SPG7: variants seen among roughly 807,000 people sequenced by gnomAD.
The protein encoded by SPG7 is mitochondrial inner membrane m-AAA protease component paraplegin.
SPG7 carries 103 observed loss-of-function variants against 81.9 expected under a neutral mutation model. The ratio of observed to expected loss-of-function variants is 1.26; its 90% CI spans 1.07 to 1.48. SPG7 has a LOEUF of 1.48. SPG7 is among the 40% of genes most tolerant of loss of function. SPG7 has a pLI of 0.00. For synonymous variants in SPG7, 534 were observed against 444.2 expected (o/e 1.20, Z -2.54); for missense variants, 1,241 against 1,087.3 (o/e 1.14, Z -1.99).
intron 16 of SPG7, 152 bp downstream of exon 16, chr16:89,554,715 T>C: frequency 1.5e-6 from 1 of 659,214 alleles, no homozygotes; most frequent in Non-Finnish European, 2.8e-6. Flanking sequence ...AACTGAAACT[T>C]ACGTGTTCCA....
chr16:89,520,061 G>GT (rs1472985691), intron 3 of SPG7: 1 of 152,282 alleles, frequency 6.6e-6, no homozygotes, highest in South Asian at 2.1e-4. Flanking sequence ...AGGCATGTGC[G>GT]TTTCCTGAGC....
intron 7 of SPG7, chr16:89,531,649 C>A (rs2058343837): frequency 4.0e-6 from 2 of 503,988 alleles, no homozygotes; most frequent in Non-Finnish European, 7.2e-6. Context: ...GTTGGAATTC[C>A]AGGTGTGAGC....
intron 14 of SPG7, 79 bp from the exon 15 acceptor site, chr16:89,553,715 C>A: frequency 6.9e-7 from 1 of 1,454,478 alleles, no homozygotes; most frequent in Non-Finnish European, 9.6e-7. Flanking sequence ...CCTCAGTGCT[C>A]TGACCGGGAC....
intron 10 of SPG7, chr16:89,545,357 A>AG (rs1218015246): frequency 1.4e-5 from 3 of 209,984 alleles, no homozygotes; most frequent in Non-Finnish European, 2.9e-5. Flanking sequence ...CATGGAGCGG[A>AG]GGGTTTGGAG....
In SPG7 at chr16:89,536,664, C is replaced by T. The variant is rs551045956; in HGVS notation, c.1324+4028C>T. 26 of 1,423,514 alleles carry T rather than the reference C, an allele frequency of 1.8e-5. No homozygotes were observed. The African/African-American group carries it at 2.9e-4, about 16-fold the overall frequency. 88.2% of individuals were successfully genotyped at this position (1,423,514 alleles called of 1,614,324 possible). A position where few individuals can be genotyped will look rare whatever the true frequency, so the allele number is the denominator to read the frequency against. ...GGCGAGGTGGGCGAGGCAGGCGAGG[C>T]GGGTGAGATCGGGCGAGGCGGGCGG... On this transcript the variant is annotated intron_variant, in intron 9 of 16. Transcript: ENST00000645818.
Position 89,552,990 on chromosome 16 carries a change from C to A in SPG7, c.1791C>A (p.Thr597=). ...TGACCTTGTGCCAGGTCTCCATAAC[C>A]CCTCGGACAAACGCCGCCCTGGGCT... ...HTEAVMKVSI[T]PRTNAALGFA... Residue 597 remains threonine (T), a synonymous_variant, in exon 14 of 17, where the codon ACC becomes ACA. Transcript: ENST00000645818. The A allele has an allele frequency of 6.2e-7, 1 of 1,613,926 alleles. No homozygotes were observed. The highest frequency in any genetic ancestry group is 8.5e-7 in the Non-Finnish European group (1 of 1,179,890).
intron 2 of SPG7, among the ~76,000 whole-genome samples, chr16:89,511,831 C>G (rs2058026874): frequency 6.6e-6 from 1 of 152,216 alleles, no homozygotes; most frequent in African/African-American, 2.4e-5. Flanking sequence ...GTTCTCCTCC[C>G]ACTCAGCGTC....
At chr16:89,552,019 T>C (rs2152411557) in intron 13 of SPG7, 1 of 152,320 alleles carries the variant, frequency 6.6e-6, no homozygotes, top group Admixed American at 6.5e-5. Flanking sequence ...CTGTTATGGT[T>C]TTGGTCATTA....
rs756720341 is a variant in SPG7, at chr16:89,512,937, A to G, written c.287-11A>G. 6.2e-6 allele frequency: 10 copies of G among 1,612,388 alleles called. No homozygotes were observed. The highest frequency in any genetic ancestry group is 1.3e-5 in the African/African-American group (1 of 74,942). On this transcript the variant is annotated splice_polypyrimidine_tract_variant and intron_variant, in intron 2 of 16. Coordinates refer to ENST00000645818, the MANE Select transcript of SPG7 (RefSeq NM_003119.4). ...AACTTAATTGTTAAATCCTTTCTCT[A>G]TTTCTCATAGGTGGTACTTTCTATT...
intron 3 of SPG7, chr16:89,514,564 A>ATGTG: frequency 2.0e-5 from 3 of 150,692 alleles, no homozygotes; most frequent in East Asian, 4.0e-4. Flanking sequence ...GCAGTGGCAC[A>ATGTG]ATCTCGGCTC....
At chr16:89,531,187 T>G (rs2058337528) in intron 7 of SPG7, 11 of 363,450 alleles carry the variant, frequency 3.0e-5, no homozygotes, top group South Asian at 2.4e-4. Context: ...CCTGGTACGG[T>G]GGGTCGCACC....
At chr16:89,548,834 G>C (rs1294452585) in intron 12 of SPG7, 2 of 425,458 alleles carry the variant, frequency 4.7e-6, no homozygotes, top group Non-Finnish European at 9.6e-6. Flanking sequence ...CTGTCAGTGT[G>C]AGACAGGTTG....
intron 2 of SPG7, among the ~76,000 whole-genome samples, chr16:89,511,341 A>C (rs1466525137): frequency 6.6e-6 from 1 of 152,220 alleles, no homozygotes; most frequent in African/African-American, 2.4e-5. Context: ...ACCTTGTGAC[A>C]TTCTTTGGTC....
At chr16:89,554,717 C>A (rs187421997) in intron 16 of SPG7, 154 bp downstream of exon 16, 4 of 655,852 alleles carry the variant, frequency 6.1e-6, no homozygotes, top group South Asian at 1.6e-5. Flanking sequence ...CTGAAACTTA[C>A]GTGTTCCATA....
rs2152410319 is a variant in SPG7 at position 89,548,097 on chromosome 16, G to A, written c.1647G>A (p.Val549=). Residue 549 remains valine, a synonymous_variant, in exon 12 of 17, where the codon GTG becomes GTA. Transcript: ENST00000645818. The stretch of plus-strand genomic sequence containing the variant: ...ACACTCTCAACTTCGAGTACGCCGT[G>A]GAGCGCGTCCTCGCAGGTACAGGGG... ...SVHTLNFEYA[V]ERVLAGTAKK... is the part of the protein sequence containing the mutation. The A allele has an allele frequency of 4.4e-6, 7 of 1,606,418 alleles. No individual in the cohort carries two copies. Among genetic ancestry groups the A allele is most frequent in the Non-Finnish European group, 5.9e-6 (7 of 1,179,328 alleles).
intron 13 of SPG7, among the ~76,000 whole-genome samples, chr16:89,550,909 G>C (rs751394973): frequency 6.6e-6 from 1 of 152,218 alleles, no homozygotes; most frequent in African/African-American, 2.4e-5. Flanking sequence ...ATGGGGTTTC[G>C]CTGCCTTTGC....
Position 89,532,567 on chromosome 16 carries a change from A to G in SPG7, c.1255A>G (p.Thr419Ala), listed in dbSNP as rs970789272. Residue 419 changes from threonine (T) to alanine (A), a missense_variant, in exon 9 of 17, where the codon ACC becomes GCC. Coordinates refer to ENST00000645818, the MANE Select transcript of SPG7 (RefSeq NM_003119.4). ...EIDAVGKKRS[T>A]TMSGFSNTEE... ...CGACGCGGTGGGCAAGAAGCGCTCC[A>G]CCACCATGTCCGGCTTCTCCAACAC... is the stretch of plus-strand genomic sequence containing the variant. 2 of 1,613,618 alleles carry G rather than the reference A, an allele frequency of 1.2e-6. No individual in the cohort carries two copies. Among genetic ancestry groups the G allele is most frequent in the African/African-American group, 1.3e-5 (1 of 74,918 alleles).
chr16:89,555,884 C>G, intron 16 of SPG7: 1 of 398,796 alleles, frequency 2.5e-6, no homozygotes. Context: ...CAAGCGAGCA[C>G]TGTGTGTCAC....
intron 9 of SPG7, chr16:89,544,079 GCAGCTTCATAA>G: frequency 5.6e-6 from 1 of 179,654 alleles, no homozygotes. Context: ...GGTGTTCCCA[GCAGCTTCATAA>G]ATCTCTTTTC....
Sources: gnomAD v4.1 joint callset for allele counts (sites outside exome capture counted in the v4.1 genomes callset) on GRCh38, gnomAD v4.1.1 for gene constraint, MANE v1.5 for transcripts, NCBI Gene and HGNC (gene_info 2026-07-23, HGNC 2026-07-21) for gene names.